The following WDR70 variants were observed in gnomAD, a reference collection of about 807,000 sequenced individuals.
WDR70 encodes WD repeat-containing protein 70.
In WDR70, 53 loss-of-function variants were observed where a neutral mutation model predicts 88.6. The observed-to-expected ratio is 0.60, with a 90% CI of 0.48 to 0.75. The LOEUF is 0.75. WDR70 is among the 30% of genes least tolerant of loss of function. The pLI is 0.00. For synonymous variants in WDR70, 280 were observed against 270.0 expected (o/e 1.04, Z -0.36); for missense variants, 610 against 823.2 (o/e 0.74, Z 3.17).
At chr5:37,680,492 A>G (rs938735955) in intron 10 of WDR70, among the ~76,000 whole-genome samples, 2 of 152,018 alleles carry the variant, frequency 1.3e-5, no homozygotes, top group Non-Finnish European at 2.9e-5. Flanking sequence ...ATCCTGAATC[A>G]TGTTGCCTAG....
intron 16 of WDR70, among the ~76,000 whole-genome samples, chr5:37,725,778 C>G (rs929599426): frequency 3.9e-5 from 6 of 151,958 alleles, no homozygotes; most frequent in African/African-American, 7.3e-5. Flanking sequence ...CAAGTCACTC[C>G]CTTTCTCCCA....
At chr5:37,446,439 C>A (rs2112065091) in intron 7 of WDR70, among the ~76,000 whole-genome samples, 1 of 152,288 alleles carries the variant, frequency 6.6e-6, no homozygotes, top group Middle Eastern at 3.4e-3. Flanking sequence ...GAAAAAACTA[C>A]TTTAAAGTTC....
intron 10 of WDR70, among the ~76,000 whole-genome samples, chr5:37,618,846 G>GA (rs1257744398): frequency 3.3e-5 from 5 of 152,160 alleles, no homozygotes; most frequent in Admixed American, 2.6e-4. Context: ...ACTACAAGAA[G>GA]AGAAAGGTGG....
At chr5:37,481,225 G>A (rs1019981095) in intron 8 of WDR70, among the ~76,000 whole-genome samples, 11 of 152,272 alleles carry the variant, frequency 7.2e-5, no homozygotes, top group South Asian at 6.2e-4. Context: ...GATGGTGGCC[G>A]TTTTCTCACA....
chr5:37,596,784 A>G (rs1423073730), intron 9 of WDR70, among the ~76,000 whole-genome samples: 1 of 152,296 alleles, frequency 6.6e-6, no homozygotes, highest in African/African-American at 2.4e-5. Context: ...GCCTTTTTAC[A>G]TGTGTAGGTC....
Position 37,723,252 on chromosome 5 carries a change from G to A in WDR70, c.1597+318G>A, listed in dbSNP as rs1460118294. On this transcript the variant is annotated intron_variant, in intron 15 of 17. Coordinates refer to ENST00000265107, the MANE Select transcript of WDR70 (RefSeq NM_018034.4). ...GTGAACAAGAAAGAGTGCTGGTCTT[G>A]GAATCAGGAGGCCTGGGTTTGTCCA... 8 of 282,308 alleles carry A rather than the reference G, an allele frequency of 2.8e-5. No individual in the cohort carries two copies. In the South Asian group the frequency reaches 4.5e-4, roughly 16 times the overall value. The allele number at this position is 282,308 out of a possible 1,614,324, so 17.5% of individuals were successfully genotyped here. A position where few individuals can be genotyped will look rare whatever the true frequency, so the allele number is the denominator to read the frequency against.
chr5:37,670,560 G>T (rs1452401077), intron 10 of WDR70, among the ~76,000 whole-genome samples: 1 of 152,080 alleles, frequency 6.6e-6, no homozygotes, highest in Non-Finnish European at 1.5e-5. Flanking sequence ...TTATGAAGTG[G>T]GTACTATTAC....
At position 37,428,425 on chromosome 5, in the gene WDR70, A is replaced by G. The variant is rs778808992; in HGVS notation, c.493-9497A>G. Among the ~76,000 whole-genome samples the G allele has an allele frequency of 1.1e-4, 17 of 152,142 alleles. 1 individual carries two copies. The highest frequency in any genetic ancestry group is 1.3e-4 in the Admixed American group (2 of 15,272). ...TTTCAAGCCACCTTGCTGTCAATCC[A>G]TTTTTCCCTCCATTTACCCCTAATC... On this transcript the variant is annotated intron_variant, in intron 5 of 17. Transcript: ENST00000265107.
intron 5 of WDR70, among the ~76,000 whole-genome samples, chr5:37,405,322 T>G (rs1166605626): frequency 6.6e-6 from 1 of 151,994 alleles, no homozygotes; most frequent in East Asian, 1.9e-4. Flanking sequence ...ATTGTGGGAA[T>G]GAGGATAATA....
chr5:37,500,716 C>CTTTTTTTTTTTTTTTTT (rs550821207), intron 8 of WDR70, among the ~76,000 whole-genome samples: 1 of 63,274 alleles, frequency 1.6e-5, no homozygotes, highest in Non-Finnish European at 3.1e-5. Context: ...TATTTGTTGG[C>CTTTTTTTTTTTTTTTTT]TTTTTTTTTT....
intron 10 of WDR70, among the ~76,000 whole-genome samples, chr5:37,697,365 T>G (rs1222382261): frequency 6.6e-6 from 1 of 152,202 alleles, no homozygotes; most frequent in African/African-American, 2.4e-5. Flanking sequence ...AAGAAGTAAA[T>G]AAGAAGAAGT....
At chr5:37,705,700 CA>C (rs1356865690) in intron 13 of WDR70, among the ~76,000 whole-genome samples, 1 of 151,728 alleles carries the variant, frequency 6.6e-6, no homozygotes, top group East Asian at 1.9e-4. Flanking sequence ...CTAGAAGAGC[CA>C]AAAGACACCT....
chr5:37,384,173 C>CTTTTTTTTTTTTTTTTTTTTTTTTT (rs57075180), intron 3 of WDR70, among the ~76,000 whole-genome samples: 3 of 107,870 alleles, frequency 2.8e-5, no homozygotes, highest in African/African-American at 3.4e-5. Context: ...ACTTTCCCCC[C>CTTTTTTTTTTTTTTTTTTTTTTTTT]TTTTTTTTTT....
intron 10 of WDR70, among the ~76,000 whole-genome samples, chr5:37,610,352 A>G (rs1239852070): frequency 6.6e-6 from 1 of 151,706 alleles, no homozygotes; most frequent in South Asian, 2.1e-4. Context: ...TAGTAGATAT[A>G]GCTTGATTTC....
intron 7 of WDR70, among the ~76,000 whole-genome samples, chr5:37,473,536 G>A (rs547564670): frequency 4.6e-5 from 7 of 151,970 alleles, no homozygotes; most frequent in Non-Finnish European, 1.0e-4. Flanking sequence ...TAGAAACAGG[G>A]TTTCACCATG....
At chr5:37,559,151 C>G (rs1742407891) in intron 9 of WDR70, among the ~76,000 whole-genome samples, 1 of 152,048 alleles carries the variant, frequency 6.6e-6, no homozygotes, top group African/African-American at 2.4e-5. Context: ...CCAGGCTGGT[C>G]TCGAACTCCT....
At chr5:37,746,746 A>G (rs541058274) in intron 17 of WDR70, among the ~76,000 whole-genome samples, 14 of 152,330 alleles carry the variant, frequency 9.2e-5, no homozygotes, top group African/African-American at 3.4e-4. Context: ...GAATAGACCA[A>G]TAACAAGTTC....
At chr5:37,462,752 A>G (rs1409500430) in intron 7 of WDR70, among the ~76,000 whole-genome samples, 1 of 152,030 alleles carries the variant, frequency 6.6e-6, no homozygotes, top group Non-Finnish European at 1.5e-5. Context: ...TTGGAAATAA[A>G]GTAGTAATAA....
chr5:37,666,432 G>C (rs1745845607), intron 10 of WDR70, among the ~76,000 whole-genome samples: 1 of 152,206 alleles, frequency 6.6e-6, no homozygotes, highest in Non-Finnish European at 1.5e-5. Flanking sequence ...CTCTTGGTGT[G>C]ATCTTGAATA....
Sources: gnomAD v4.1 joint callset for allele counts (sites outside exome capture counted in the v4.1 genomes callset) on GRCh38, gnomAD v4.1.1 for gene constraint, MANE v1.5 for transcripts, NCBI Gene and HGNC (gene_info 2026-07-23, HGNC 2026-07-21) for gene names.